ANXA4: variants seen among roughly 807,000 people sequenced by gnomAD.
ANXA4 encodes the protein 35-beta calcimedin.
A neutral mutation model predicts 49.8 loss-of-function variants in ANXA4; 39 were observed. That is an observed-to-expected ratio of 0.78 (90% CI 0.61 to 1.02). The LOEUF is 1.02. Among genes scored for constraint, ANXA4 ranks in the 50% least tolerant of loss-of-function variants. The pLI is 0.00. For synonymous variants in ANXA4, 134 were observed against 152.5 expected (o/e 0.88, Z 0.89); for missense variants, 360 against 410.1 (o/e 0.88, Z 1.05).
chr2:69,739,964 G>A (rs1670342367), upstream of ANXA4, among the ~76,000 whole-genome samples: 1 of 152,052 alleles, frequency 6.6e-6, no homozygotes, highest in African/African-American at 2.4e-5. Flanking sequence ...GATCCCATGG[G>A]AACTCTGGCA....
At chr2:69,700,187 C>G (rs1218444949) in intron 2 of ANXA4, 4 of 152,172 alleles carry the variant, frequency 2.6e-5, no homozygotes, top group Admixed American at 1.3e-4. Flanking sequence ...AGCTCACAGA[C>G]TGAATACAAA....
chr2:69,817,860 T>C (rs535306964), intron 9 of ANXA4: 16 of 152,258 alleles, frequency 1.1e-4, no homozygotes, highest in African/African-American at 3.6e-4. Flanking sequence ...GCTGCTCAAT[T>C]AAAAAGTTCC....
chr2:69,678,691 C>G (rs191729236), intron 2 of ANXA4, among the ~76,000 whole-genome samples: 4 of 152,226 alleles, frequency 2.6e-5, no homozygotes, highest in Non-Finnish European at 5.9e-5. Context: ...GCCACCGTGC[C>G]CAGCCCACAA....
chr2:69,672,139 A>G (rs907517102), intron 2 of ANXA4, among the ~76,000 whole-genome samples: 61 of 152,230 alleles, frequency 4.0e-4, no homozygotes, highest in Non-Finnish European at 4.3e-4. Context: ...AAATTGTGGG[A>G]TATTCATGAA....
chr2:69,784,432 G>A (rs961140625), intron 2 of ANXA4, among the ~76,000 whole-genome samples: 6 of 152,136 alleles, frequency 3.9e-5, no homozygotes, highest in African/African-American at 9.7e-5. Flanking sequence ...TTTTCAATAC[G>A]GAATTTCCAA....
chr2:69,698,612 T>C (rs1678233267), intron 2 of ANXA4, among the ~76,000 whole-genome samples: 1 of 152,138 alleles, frequency 6.6e-6, no homozygotes, highest in Non-Finnish European at 1.5e-5. Context: ...GGGGACAAGC[T>C]GCGTTGTCGG....
intron 2 of ANXA4, among the ~76,000 whole-genome samples, chr2:69,705,127 C>CAACAATA (rs1008689976): frequency 2.0e-5 from 3 of 151,554 alleles, no homozygotes; most frequent in African/African-American, 7.3e-5. Context: ...ACTACTTCTA[C>CAACAATA]AAAAATAAAA....
At chr2:69,670,413 C>T (rs1677128879) in intron 2 of ANXA4, among the ~76,000 whole-genome samples, 1 of 142,122 alleles carries the variant, frequency 7.0e-6, no homozygotes. Context: ...GCACTCCAGC[C>T]TGGCGACAGA....
chr2:69,708,286 C>G (rs1307041486), intron 2 of ANXA4, among the ~76,000 whole-genome samples: 1 of 152,144 alleles, frequency 6.6e-6, no homozygotes, highest in East Asian at 1.9e-4. Context: ...AATGGTCAAA[C>G]GTGATCGCAA....
intron 2 of ANXA4, among the ~76,000 whole-genome samples, chr2:69,705,681 C>T (rs538132225): frequency 2.8e-4 from 42 of 152,318 alleles, no homozygotes; most frequent in African/African-American, 1.0e-3. Flanking sequence ...ACTGTAATCC[C>T]AGCACTTTGG....
At chr2:69,676,981 T>C (rs1360565556) in intron 2 of ANXA4, among the ~76,000 whole-genome samples, 6 of 152,156 alleles carry the variant, frequency 3.9e-5, no homozygotes, top group African/African-American at 1.4e-4. Context: ...TTTTTTATTT[T>C]CGTTTTTATT....
At chr2:69,701,657 G>A (rs993687172) in intron 2 of ANXA4, among the ~76,000 whole-genome samples, 2 of 152,144 alleles carry the variant, frequency 1.3e-5, no homozygotes, top group African/African-American at 4.8e-5. Flanking sequence ...TCCCACCACA[G>A]CAAGTAGGTC....
chr2:69,715,416 C>T (rs1678847599), intron 2 of ANXA4, among the ~76,000 whole-genome samples: 1 of 152,116 alleles, frequency 6.6e-6, no homozygotes, highest in Non-Finnish European at 1.5e-5. Flanking sequence ...CCATATTGGC[C>T]AGGCTGGTCT....
intron 7 of ANXA4, chr2:69,810,908 T>C (rs550176483): frequency 2.1e-4 from 111 of 524,456 alleles, no homozygotes; most frequent in African/African-American, 2.0e-3. Flanking sequence ...CAGGTCCCCC[T>C]GTCACTCAGT....
intron 2 of ANXA4, among the ~76,000 whole-genome samples, chr2:69,699,056 G>T (rs1247607897): frequency 1.3e-5 from 2 of 152,078 alleles, no homozygotes; most frequent in Admixed American, 6.6e-5. Context: ...GGGTGAGGGG[G>T]GACAACTGAA....
intron 1 of ANXA4, among the ~76,000 whole-genome samples, chr2:69,771,529 A>G (rs1349305685): frequency 6.6e-6 from 1 of 152,216 alleles, no homozygotes; most frequent in Non-Finnish European, 1.5e-5. Flanking sequence ...TTAGGGAAGT[A>G]TCTACTTTGC....
At chr2:69,766,047 C>CT (rs1671480128) in intron 1 of ANXA4, among the ~76,000 whole-genome samples, 1 of 152,212 alleles carries the variant, frequency 6.6e-6, no homozygotes, top group Non-Finnish European at 1.5e-5. Flanking sequence ...AAGATGCTGC[C>CT]TTAGAATTCA....
intron 3 of ANXA4, among the ~76,000 whole-genome samples, chr2:69,729,311 G>C (rs915420501): frequency 1.3e-5 from 2 of 152,088 alleles, no homozygotes; most frequent in African/African-American, 4.8e-5. Flanking sequence ...CACCATGCAC[G>C]GCCCTCAATA....
In ANXA4 at chr2:69,682,196, A is replaced by G. The variant is rs1677622705; in HGVS notation, n.766+28914A>G. Among the ~76,000 whole-genome samples the G allele has an allele frequency of 3.9e-5, 6 of 152,072 alleles. No individual in the cohort carries two copies. In the South Asian group the frequency reaches 1.0e-3, roughly 26 times the overall value. On this transcript the variant is annotated intron_variant and non_coding_transcript_variant, in intron 2 of 3. Coordinates refer to the ANXA4 transcript ENST00000418066. ...CCTTGAAGGCATCTTTAGATCATTT[A>G]TTTGAAATCTTCCTACTTTTTTGAT...
Sources: gnomAD v4.1 joint callset for allele counts (sites outside exome capture counted in the v4.1 genomes callset) on GRCh38, gnomAD v4.1.1 for gene constraint, MANE v1.5 for transcripts, NCBI Gene and HGNC (gene_info 2026-07-23, HGNC 2026-07-21) for gene names.